DLGAP1: variants seen among roughly 807,000 people sequenced by gnomAD.
DLGAP1 encodes disks large-associated protein 1.
In DLGAP1, 11 loss-of-function variants were observed where a neutral mutation model predicts 90.8. The observed-to-expected ratio is 0.12, with a 90% confidence interval of 0.08 to 0.20. The LOEUF (loss-of-function observed/expected upper bound fraction) is 0.20. Ranked by LOEUF, DLGAP1 falls within the 10% of genes least tolerant of loss-of-function variation. The pLI is 1.00. For missense variants in DLGAP1, 1,050 were observed against 1,333.8 expected (o/e 0.79, Z 3.31); for synonymous variants, 558 against 540.7 (o/e 1.03, Z -0.44).
In DLGAP1 at chr18:4,002,859, GA is replaced by G. The variant is rs370055604; in HGVS notation, c.-73+2256del. Among the ~76,000 whole-genome samples the G allele has an allele frequency of 3.2e-4, 48 of 152,238 alleles. 3 individuals carry two copies. In the South Asian group the frequency reaches 3.9e-3, roughly 13 times the overall value. The stretch of plus-strand genomic sequence containing the variant: ...TATGTGCACAGTTCAGGGATCTATT[GA>G]TGTCTTTCTACACTGCCAGGTCTCT... On this transcript the variant is annotated intron_variant, in intron 3 of 12. Coordinates refer to ENST00000315677, the MANE Select transcript of DLGAP1 (RefSeq NM_004746.4).
chr18:4,398,580 T>C (rs2082486276), intron 1 of DLGAP1, among the ~76,000 whole-genome samples: 1 of 152,132 alleles, frequency 6.6e-6, no homozygotes, highest in Non-Finnish European at 1.5e-5. Flanking sequence ...TGATGGAAGA[T>C]GATTGCGGGG....
intron 5 of DLGAP1, chr18:3,770,822 A>G (rs1266375423): frequency 6.6e-6 from 1 of 152,198 alleles, no homozygotes; most frequent in Non-Finnish European, 1.5e-5. Context: ...GACTAAATCA[A>G]TTAGGTACAA....
chr18:4,337,809 G>C (rs2081104357), intron 1 of DLGAP1, among the ~76,000 whole-genome samples: 1 of 152,014 alleles, frequency 6.6e-6, no homozygotes, highest in African/African-American at 2.4e-5. Context: ...AGCCATTTTA[G>C]TTTTTTTATT....
chr18:4,209,585 T>C (rs1371077662), intron 1 of DLGAP1, among the ~76,000 whole-genome samples: 1 of 152,228 alleles, frequency 6.6e-6, no homozygotes. Flanking sequence ...AGGCCTCATA[T>C]TTAAATATAT....
chr18:4,406,869 C>T (rs1211164155), intron 1 of DLGAP1, among the ~76,000 whole-genome samples: 1 of 152,120 alleles, frequency 6.6e-6, no homozygotes, highest in Non-Finnish European at 1.5e-5. Flanking sequence ...CAAACTGAGA[C>T]AGTGTAGTCA....
intron 3 of DLGAP1, among the ~76,000 whole-genome samples, chr18:3,961,414 G>T (rs937522807): frequency 7.2e-5 from 11 of 151,970 alleles, no homozygotes; most frequent in Admixed American, 2.0e-4. Flanking sequence ...CCTCCTCCCC[G>T]TCTTTCTTGC....
chr18:4,263,957 T>C (rs1158141566), intron 1 of DLGAP1, among the ~76,000 whole-genome samples: 1 of 152,218 alleles, frequency 6.6e-6, no homozygotes, highest in Non-Finnish European at 1.5e-5. Context: ...CGAAAGCAAA[T>C]AGTCTTTCTG....
intron 1 of DLGAP1, among the ~76,000 whole-genome samples, chr18:4,384,828 C>T (rs2082197962): frequency 6.6e-6 from 1 of 152,114 alleles, no homozygotes; most frequent in Non-Finnish European, 1.5e-5. Context: ...ACCTAGTAAA[C>T]ATGAACAACC....
intron 3 of DLGAP1, among the ~76,000 whole-genome samples, chr18:3,908,019 T>C (rs2071948961): frequency 6.6e-6 from 1 of 152,242 alleles, no homozygotes; most frequent in Non-Finnish European, 1.5e-5. Context: ...TAAAAAGTTA[T>C]GCCCCTGCAC....
chr18:3,955,047 T>C (rs892175316), intron 3 of DLGAP1, among the ~76,000 whole-genome samples: 2 of 152,094 alleles, frequency 1.3e-5, no homozygotes, highest in African/African-American at 4.8e-5. Context: ...GGCAAATGCA[T>C]GTGAAGAAAT....
At chr18:3,868,103 T>A (rs992804323) in intron 4 of DLGAP1, among the ~76,000 whole-genome samples, 1 of 152,146 alleles carries the variant, frequency 6.6e-6, no homozygotes, top group Non-Finnish European at 1.5e-5. Flanking sequence ...AATCAGCTAT[T>A]TATAGGCGTT....
At chr18:3,866,031 A>G (rs906923794) in intron 4 of DLGAP1, among the ~76,000 whole-genome samples, 16 of 152,318 alleles carry the variant, frequency 1.1e-4, no homozygotes, top group African/African-American at 3.8e-4. Context: ...GTTCCTAAAA[A>G]AGTCAATTCC....
chr18:4,046,508 C>T (rs569235072), intron 2 of DLGAP1, among the ~76,000 whole-genome samples: 40 of 152,258 alleles, frequency 2.6e-4, no homozygotes, highest in African/African-American at 5.5e-4. Flanking sequence ...TGCCCAGGGG[C>T]GCACAATCTG....
intron 7 of DLGAP1, among the ~76,000 whole-genome samples, chr18:3,702,453 T>G (rs560007177): frequency 3.0e-4 from 45 of 152,342 alleles, no homozygotes; most frequent in African/African-American, 9.9e-4. Context: ...TTCTATGGGA[T>G]GGCAATAGAC....
At chr18:3,762,312 T>C (rs2064005948) in intron 5 of DLGAP1, among the ~76,000 whole-genome samples, 1 of 152,176 alleles carries the variant, frequency 6.6e-6, no homozygotes. Context: ...AGAAATAACT[T>C]TATTGCTAAG....
intron 3 of DLGAP1, among the ~76,000 whole-genome samples, chr18:3,976,440 G>GA (rs990527674): frequency 7.9e-5 from 12 of 151,688 alleles, no homozygotes; most frequent in African/African-American, 2.2e-4. Flanking sequence ...ATAGAGAATA[G>GA]AAAAAATGAA....
chr18:4,449,605 C>T lies in DLGAP1; in HGVS notation c.-267+5401G>A, dbSNP rs532186441. Among the ~76,000 whole-genome samples, 13 of 152,294 alleles carry T rather than the reference C, an allele frequency of 8.5e-5. No individual in the cohort carries two copies. The South Asian group carries it at 2.7e-3, about 32-fold the overall frequency. The stretch of plus-strand genomic sequence containing the variant: ...CATTTATTAAGTGCCAGGTGCTGTG[C>T]TAGGCATCAGTGATATTTGGTGAAC... On this transcript the variant is annotated intron_variant, in intron 1 of 12. Transcript: ENST00000315677.
At chr18:3,866,321 G>A (rs919010323) in intron 4 of DLGAP1, among the ~76,000 whole-genome samples, 2 of 152,276 alleles carry the variant, frequency 1.3e-5, no homozygotes, top group Admixed American at 6.5e-5. Context: ...AGAGTTTTCC[G>A]ATTGATCTCA....
intron 3 of DLGAP1, among the ~76,000 whole-genome samples, chr18:4,003,742 C>T (rs1438487322): frequency 6.6e-6 from 1 of 152,106 alleles, no homozygotes; most frequent in South Asian, 2.1e-4. Context: ...CAAGTGGATG[C>T]TGGAAATGAC....
Sources: gnomAD v4.1 joint callset for allele counts (sites outside exome capture counted in the v4.1 genomes callset) on GRCh38, gnomAD v4.1.1 for gene constraint, MANE v1.5 for transcripts, NCBI Gene and HGNC (gene_info 2026-07-23, HGNC 2026-07-21) for gene names.